SPTA1: variants seen among roughly 807,000 people sequenced by gnomAD.
The protein encoded by SPTA1 is spectrin alpha chain, erythrocytic 1.
SPTA1 carries 177 observed loss-of-function variants against 324.7 expected under a neutral mutation model. That is an observed-to-expected ratio of 0.55 (90% CI 0.48 to 0.62). The LOEUF (loss-of-function observed/expected upper bound fraction) is 0.62. SPTA1 is among the 20% of genes least tolerant of loss of function. SPTA1 has a pLI of 0.00. For missense variants in SPTA1, 3,162 were observed against 2,883.6 expected, an observed-to-expected ratio of 1.10 and a Z score of -2.21; for synonymous variants, 1,195 against 1,041.3, an observed-to-expected ratio of 1.15 and a Z score of -2.84.
chr1:158,666,331 A>G lies in SPTA1; in HGVS notation c.2205T>C (p.Ala735=), dbSNP rs376278222. Residue 735 remains alanine (A), a synonymous_variant, in exon 16 of 52, where the codon GCT becomes GCC. Coordinates refer to ENST00000643759, the MANE Select transcript of SPTA1 (RefSeq NM_003126.4). ...AACAACAAACCTGACGAGCAGCCAC[A>G]GCCGACTCCAGGAGGCCGTGTTTCC... is the stretch of plus-strand genomic sequence containing the variant. ...RLRKHGLLES[A]VAARQDQVDI... The G allele has an allele frequency of 3.5e-5, 57 of 1,613,828 alleles. No homozygotes were observed. Among genetic ancestry groups the G allele is most frequent in the South Asian group, 1.5e-4 (14 of 91,070 alleles).
In SPTA1 at chr1:158,680,723, T is replaced by C; in HGVS notation, c.538A>G (p.Ile180Val). Residue 180 changes from isoleucine to valine, a missense_variant, in exon 5 of 52, where the codon ATA becomes GTA. By Grantham distance (29) the Ile-to-Val change is conservative. Transcript: ENST00000643759. ...ILEWIGDKEA[I>V]ATSVELGEDW... ...TCACCTAGCTCCACTGATGTCGCTA[T>C]AGCCTCCTGTAGACACAGAAGTTGA... is the stretch of plus-strand genomic sequence containing the variant. 3 of 1,613,722 alleles carry C rather than the reference T, an allele frequency of 1.9e-6. No individual in the cohort carries two copies. In the South Asian group the frequency reaches 3.3e-5, roughly 18 times the overall value.
intron 36 of SPTA1, among the ~76,000 whole-genome samples, chr1:158,637,089 A>G (rs1365142745): frequency 6.6e-6 from 1 of 152,204 alleles, no homozygotes; most frequent in Non-Finnish European, 1.5e-5. Context: ...ATTTCAAAAA[A>G]ATGTGAAAAT....
intron 37 of SPTA1, 103 bp downstream of exon 37, chr1:158,636,538 A>G (rs1308909303): frequency 3.0e-6 from 4 of 1,325,804 alleles, no homozygotes; most frequent in African/African-American, 2.9e-5. Context: ...TCTGACCTTG[A>G]CATCCTATTT....
chr1:158,683,304 A>G, intron 3 of SPTA1, 67 bp downstream of exon 3: 1 of 1,608,138 alleles, frequency 6.2e-7, no homozygotes, highest in Non-Finnish European at 8.5e-7. Flanking sequence ...TATATCTCAT[A>G]TAATCAGTTA....
chr1:158,678,251 C>A (rs1053946846), intron 6 of SPTA1, 150 bp downstream of exon 6: 3 of 1,036,956 alleles, frequency 2.9e-6, no homozygotes, highest in Non-Finnish European at 4.4e-6. Context: ...TTTACCTTCT[C>A]CTTTGCTGTC....
At chr1:158,660,595 G>A (rs73018268) in intron 18 of SPTA1, among the ~76,000 whole-genome samples, 3,176 of 152,232 alleles carry the variant, frequency 0.021, 115 homozygotes, top group African/African-American at 0.073. Flanking sequence ...AAAAACAGGC[G>A]AATTTCTACA....
chr1:158,671,526 G>T, intron 11 of SPTA1, 73 bp from the exon 12 acceptor site: 1 of 1,215,918 alleles, frequency 8.2e-7, no homozygotes, highest in Non-Finnish European at 1.2e-6. Context: ...ATATCTCTGA[G>T]ACAAGGACTA....
Position 158,620,376 on chromosome 1 carries a change from G to C in SPTA1, c.6211C>G (p.His2071Asp). 6.2e-7 allele frequency: 1 copy of C among 1,614,046 alleles called. No homozygotes were observed. The highest frequency in any genetic ancestry group is 8.5e-7 in the Non-Finnish European group (1 of 1,180,032). Residue 2071 changes from histidine to aspartate, a missense_variant, in exon 44 of 52, where the codon CAC (histidine) becomes GAC (aspartate). Coordinates refer to ENST00000643759, the MANE Select transcript of SPTA1 (RefSeq NM_003126.4). ...CGAATTTCATTCAGGGAGACACAGT[G>C]CACAGGCTCTGACAAGTTTTCTTCC... ...KMEENLSEPV[H>D]CVSLNEIRQL...
chr1:158,666,041 T>C (rs1038948781), intron 16 of SPTA1, among the ~76,000 whole-genome samples: 3 of 152,020 alleles, frequency 2.0e-5, no homozygotes, highest in African/African-American at 4.8e-5. Flanking sequence ...CCTGGCTAGA[T>C]TGGAGGAGAT....
chr1:158,649,852 T>C lies in SPTA1; in HGVS notation c.3569+4A>G, dbSNP rs1652290607. ...GCACTGCTTTTTAGAGTTATAATTA[T>C]TACCTGTGAAACACTTCAACAGCAT... On this transcript the variant is annotated splice_donor_region_variant and intron_variant, in intron 25 of 51. Coordinates refer to ENST00000643759, the MANE Select transcript of SPTA1 (RefSeq NM_003126.4). 1 of 1,611,508 alleles carries C rather than the reference T, an allele frequency of 6.2e-7. No individual in the cohort carries two copies. Among genetic ancestry groups the C allele is most frequent in the Non-Finnish European group, 8.5e-7 (1 of 1,177,898 alleles).
chr1:158,671,258 G>T, intron 12 of SPTA1, 85 bp downstream of exon 12: 1 of 924,178 alleles, frequency 1.1e-6, no homozygotes, highest in South Asian at 1.4e-5. Context: ...GTAGTTACAG[G>T]AGCAATGCTG....
chr1:158,628,564 T>C (rs1238842327), intron 39 of SPTA1, among the ~76,000 whole-genome samples: 1 of 152,222 alleles, frequency 6.6e-6, no homozygotes, highest in Non-Finnish European at 1.5e-5. Context: ...TTATATATTA[T>C]GACTGTATTA....
intron 10 of SPTA1, 115 bp from the exon 11 acceptor site, chr1:158,672,311 G>A (rs1654085450): frequency 8.8e-7 from 1 of 1,136,510 alleles, no homozygotes; most frequent in Admixed American, 2.2e-5. Flanking sequence ...AACAGCAAAT[G>A]GGCTTTTAAG....
At position 158,647,544 on chromosome 1, in the gene SPTA1, C is replaced by T; in HGVS notation, c.3891G>A (p.Lys1297=). Residue 1297 remains lysine (K), a synonymous_variant, in exon 27 of 52, where the codon AAG becomes AAA. Coordinates refer to ENST00000643759, the MANE Select transcript of SPTA1 (RefSeq NM_003126.4). The stretch of plus-strand genomic sequence containing the variant: ...AGTTACCCACCCCACTCTACCTGGC[C>T]TTGCTGAGGAACAGGTAGAATTTCT... The part of the protein sequence containing the change: ...EAQKFYLFLS[K]ARDLQNWISS... 6.2e-7 allele frequency: 1 copy of T among 1,613,236 alleles called. No individual in the cohort carries two copies. Among genetic ancestry groups the T allele is most frequent in the Non-Finnish European group, 8.5e-7 (1 of 1,179,868 alleles).
intron 43 of SPTA1, among the ~76,000 whole-genome samples, chr1:158,622,024 C>G (rs185374744): frequency 5.5e-4 from 84 of 152,260 alleles, no homozygotes; most frequent in African/African-American, 2.0e-3. Flanking sequence ...GCCACCACGC[C>G]CGGCTAATTT....
In SPTA1 at chr1:158,674,358, G is replaced by A; in HGVS notation, c.1321C>T (p.His441Tyr). 6.2e-7 allele frequency: 1 copy of A among 1,614,086 alleles called. No individual in the cohort carries two copies. The highest frequency in any genetic ancestry group is 8.5e-7 in the Non-Finnish European group (1 of 1,179,960). Residue 441 changes from histidine (H) to tyrosine (Y), a missense_variant, in exon 10 of 52, where the codon CAT (histidine) becomes TAT (tyrosine). By Grantham distance (83) the His-to-Tyr change is moderately conservative. Transcript: ENST00000643759. Reference protein sequence around the residue: ...ETGQDLVNANHEASDEVREKM... With the variant: ...ETGQDLVNANYEASDEVREKM... ...TCCCGAACTTCATCAGAGGCTTCAT[G>A]ATTGGCATTCACGAGGTCTTGACCA... is the stretch of plus-strand genomic sequence containing the variant.
Position 158,642,791 on chromosome 1 carries a change from CAAGATTCCT to C in SPTA1, c.4605+14_4605+22del, listed in dbSNP as rs752614191. ...ACAAGCTCGGAATGGTGAAATTTTCCAAGATTCCTATTTTGAACTTGCCTGAATGTTAGT... is the reference window on the plus strand; with the variant it reads ...ACAAGCTCGGAATGGTGAAATTTTCCATTTTGAACTTGCCTGAATGTTAGT... On this transcript the variant is annotated intron_variant, in intron 32 of 51. Coordinates refer to ENST00000643759, the MANE Select transcript of SPTA1 (RefSeq NM_003126.4). 37 of 1,613,588 alleles carry C rather than the reference CAAGATTCCT, an allele frequency of 2.3e-5. 1 individual carries two copies. In the South Asian group the frequency reaches 3.6e-4, roughly 16 times the overall value.
intron 23 of SPTA1, among the ~76,000 whole-genome samples, 160 bp downstream of exon 23, chr1:158,652,307 A>G (rs1170758518): frequency 6.6e-6 from 1 of 152,206 alleles, no homozygotes; most frequent in Non-Finnish European, 1.5e-5. Flanking sequence ...TCCAATTATT[A>G]GCAACTACAA....
chr1:158,663,444 G>C (rs575533211), intron 16 of SPTA1, among the ~76,000 whole-genome samples: 5 of 152,304 alleles, frequency 3.3e-5, no homozygotes, highest in African/African-American at 1.2e-4. Context: ...AGCTCAGAAA[G>C]ATAAATTTAA....
Sources: gnomAD v4.1 joint callset for allele counts (sites outside exome capture counted in the v4.1 genomes callset) on GRCh38, gnomAD v4.1.1 for gene constraint, MANE v1.5 for transcripts, NCBI Gene and HGNC (gene_info 2026-07-23, HGNC 2026-07-21) for gene names.